Variants in SCD5 observed in about 807,000 individuals in gnomAD.
The protein encoded by SCD5 is stearoyl-CoA desaturase 5.
A neutral mutation model predicts 30.4 loss-of-function variants in SCD5; 20 were observed. The observed-to-expected ratio is 0.66, with a 90% confidence interval of 0.46 to 0.96. The LOEUF (loss-of-function observed/expected upper bound fraction) is 0.96. Ranked by LOEUF, SCD5 falls within the 40% of genes least tolerant of loss-of-function variation. The pLI is 0.00. For synonymous variants in SCD5, 173 were observed against 176.4 expected (o/e 0.98, Z 0.16); for missense variants, 381 against 443.3 (o/e 0.86, Z 1.26).
At chr4:82,767,231 C>CCT (rs149299807) in intron 1 of SCD5, among the ~76,000 whole-genome samples, 7,419 of 150,986 alleles carry the variant, frequency 0.049, 227 homozygotes, top group Middle Eastern at 0.092. Context: ...CAGCATTTTC[C>CCT]CTCTGTCTCT....
At chr4:82,642,504 C>CTAT (rs1727565643) in intron 3 of SCD5, among the ~76,000 whole-genome samples, 1 of 152,184 alleles carries the variant, frequency 6.6e-6, no homozygotes, top group Non-Finnish European at 1.5e-5. Flanking sequence ...CATACTGTCC[C>CTAT]GTGTCTATGA....
At chr4:82,783,625 G>A (rs943452133) in intron 1 of SCD5, among the ~76,000 whole-genome samples, 1 of 152,084 alleles carries the variant, frequency 6.6e-6, no homozygotes, top group Non-Finnish European at 1.5e-5. Flanking sequence ...CCAACATGGA[G>A]AAACCCCATC....
intron 1 of SCD5, among the ~76,000 whole-genome samples, chr4:82,743,871 C>A (rs2148839862): frequency 6.6e-6 from 1 of 152,142 alleles, no homozygotes. Context: ...GGCTCTATGA[C>A]CCACGCTGGG....
At chr4:82,785,111 C>T (rs543319768) in intron 1 of SCD5, among the ~76,000 whole-genome samples, 39 of 152,256 alleles carry the variant, frequency 2.6e-4, no homozygotes, top group African/African-American at 7.9e-4. Flanking sequence ...GTAGTGGCTT[C>T]GCTCACCACC....
chr4:82,724,076 A>G (rs1720423878), intron 1 of SCD5, among the ~76,000 whole-genome samples: 1 of 152,236 alleles, frequency 6.6e-6, no homozygotes, highest in South Asian at 2.1e-4. Context: ...TAGGTAAATA[A>G]AGCAAATATG....
intron 1 of SCD5, among the ~76,000 whole-genome samples, chr4:82,731,199 TCTC>T (rs748818963): frequency 1.3e-5 from 2 of 152,182 alleles, no homozygotes; most frequent in African/African-American, 4.8e-5. Flanking sequence ...CCTGGTGACT[TCTC>T]CTGGTAGCCA....
chr4:82,674,873 A>G (rs1728403683), intron 3 of SCD5, among the ~76,000 whole-genome samples: 1 of 152,218 alleles, frequency 6.6e-6, no homozygotes, highest in African/African-American at 2.4e-5. Context: ...AGCCAATCTG[A>G]GAAGGCTACA....
At chr4:82,649,828 G>T (rs891224520) in intron 3 of SCD5, among the ~76,000 whole-genome samples, 1 of 152,142 alleles carries the variant, frequency 6.6e-6, no homozygotes, top group African/African-American at 2.4e-5. Context: ...CATCTTTGTA[G>T]GTAGTTCTCT....
At chr4:82,773,952 G>A (rs1405520531) in intron 1 of SCD5, among the ~76,000 whole-genome samples, 2 of 152,068 alleles carry the variant, frequency 1.3e-5, no homozygotes, top group Non-Finnish European at 2.9e-5. Flanking sequence ...AGCCTGGCAT[G>A]GTGGCGCATG....
intron 2 of SCD5, chr4:82,698,155 T>G: frequency 2.2e-6 from 1 of 456,290 alleles, no homozygotes; most frequent in Non-Finnish European, 4.4e-6. Flanking sequence ...GTTTCTGATG[T>G]GCAGAAGAAA....
In SCD5 at chr4:82,699,825, C is replaced by G. The variant is rs549129201; in HGVS notation, c.363+5458G>C. On this transcript the variant is annotated intron_variant, in intron 2 of 4. Coordinates refer to ENST00000319540, the MANE Select transcript of SCD5 (RefSeq NM_001037582.3). ...TACAGGTGCACGCCACCACGCCTGGCTAATTTTTGTATTTTTAGTAGACAC... is the reference window on the plus strand; with the variant it reads ...TACAGGTGCACGCCACCACGCCTGGGTAATTTTTGTATTTTTAGTAGACAC... Among the ~76,000 whole-genome samples the G allele has an allele frequency of 5.9e-5, 9 of 152,124 alleles. No individual in the cohort carries two copies. The South Asian group carries it at 1.9e-3, about 32-fold the overall frequency.
chr4:82,767,668 T>C (rs1345099310), intron 1 of SCD5, among the ~76,000 whole-genome samples: 1 of 152,244 alleles, frequency 6.6e-6, no homozygotes, highest in Non-Finnish European at 1.5e-5. Context: ...AAAGTGTTTC[T>C]ACATCTTTCT....
At chr4:82,762,509 C>T (rs1238347518) in intron 1 of SCD5, among the ~76,000 whole-genome samples, 2 of 152,214 alleles carry the variant, frequency 1.3e-5, no homozygotes, top group Non-Finnish European at 2.9e-5. Flanking sequence ...TCCCAAAGTG[C>T]TGGGATTACA....
chr4:82,635,266 A>G (rs985991046), intron 4 of SCD5, among the ~76,000 whole-genome samples: 1 of 152,204 alleles, frequency 6.6e-6, no homozygotes. Context: ...GATTAAAACG[A>G]GGAGATAAAT....
chr4:82,792,297 A>G (rs944495418), intron 1 of SCD5, among the ~76,000 whole-genome samples: 2 of 152,164 alleles, frequency 1.3e-5, no homozygotes, highest in South Asian at 2.1e-4. Context: ...CATTTGAGTC[A>G]CAAGTACTCC....
chr4:82,782,283 C>A (rs1307734869), intron 1 of SCD5, among the ~76,000 whole-genome samples: 1 of 151,890 alleles, frequency 6.6e-6, no homozygotes, highest in Non-Finnish European at 1.5e-5. Context: ...CTCCATGAAC[C>A]TCCATATTTA....
chr4:82,686,437 T>A (rs1188198515), intron 2 of SCD5, among the ~76,000 whole-genome samples: 1 of 152,180 alleles, frequency 6.6e-6, no homozygotes, highest in Non-Finnish European at 1.5e-5. Flanking sequence ...GCACTACATA[T>A]CAAAAACCCT....
At chr4:82,669,557 C>T (rs1728263269) in intron 3 of SCD5, among the ~76,000 whole-genome samples, 1 of 152,144 alleles carries the variant, frequency 6.6e-6, no homozygotes, top group South Asian at 2.1e-4. Flanking sequence ...GAAAACCTGA[C>T]CTTAATTGAT....
chr4:82,668,331 G>C (rs1479889592), intron 3 of SCD5, among the ~76,000 whole-genome samples: 1 of 152,120 alleles, frequency 6.6e-6, no homozygotes, highest in African/African-American at 2.4e-5. Flanking sequence ...GAATGGGGAG[G>C]AGCAAAGGTG....
Sources: allele counts gnomAD v4.1 joint callset (sites outside exome capture counted in the v4.1 genomes callset), GRCh38; gene constraint gnomAD v4.1.1; transcripts MANE v1.5; gene names NCBI Gene and HGNC (gene_info 2026-07-23, HGNC 2026-07-21).